Variants in SLC4A7 observed in about 807,000 individuals in gnomAD.
The protein encoded by SLC4A7 is solute carrier family 4 member 7, also known as sodium bicarbonate cotransporter 3.
A neutral mutation model predicts 137.6 loss-of-function variants in SLC4A7; 51 were observed. The observed-to-expected ratio is 0.37, with a 90% CI of 0.30 to 0.47. The LOEUF is 0.47. Ranked by LOEUF, SLC4A7 falls within the 20% of genes least tolerant of loss-of-function variation. The pLI, the probability that SLC4A7 is intolerant of heterozygous loss-of-function variation, is 1.00. For missense variants in SLC4A7, 1,247 were observed against 1,525.4 expected (o/e 0.82, Z 3.04); for synonymous variants, 542 against 518.6 (o/e 1.05, Z -0.61).
chr3:27,391,746 T>C lies in SLC4A7; in HGVS notation c.3180A>G (p.Gly1060=). ...TTAAATACTTAAAACTTGCCTGGAT[T>C]CCTTTTAATGAGGAAACTCCCATAT... ...FLYMGVSSLK[G]IQLFDRIKLF... is the part of the protein sequence containing the mutation. Residue 1060 remains glycine, a synonymous_variant, in exon 21 of 26, where the codon GGA becomes GGG. Transcript: ENST00000454389. 6.4e-7 allele frequency: 1 copy of C among 1,563,910 alleles called. No homozygotes were observed. The highest frequency in any genetic ancestry group is 8.8e-7 in the Non-Finnish European group (1 of 1,141,418).
At position 27,379,301 on chromosome 3, in the gene SLC4A7, T is replaced by C; in HGVS notation, c.3646A>G (p.Lys1216Glu). 1 of 1,535,942 alleles carries C rather than the reference T, an allele frequency of 6.5e-7. No homozygotes were observed. Residue 1216 changes from lysine (K) to glutamate (E), a missense_variant, in exon 25 of 26, where the codon AAG (lysine) becomes GAG (glutamate). Lys to Glu is a moderately conservative substitution (Grantham distance 56). Around this residue, in one of 6 missense-constraint regions of SLC4A7, gnomAD observed 290 missense variants for 323.8 expected, o/e 0.90. Transcript: ENST00000454389. ...TTCTCAGTATTCATGGAAAGTGCCT[T>C]CCACTGTGCAGTTTTGGCCATTTCA... is the stretch of plus-strand genomic sequence containing the variant. ...SDEMAKTAQW[K>E]ALSMNTENAK...
At chr3:27,436,784 C>G (rs1005646218) in intron 4 of SLC4A7, among the ~76,000 whole-genome samples, 1 of 152,102 alleles carries the variant, frequency 6.6e-6, no homozygotes, top group African/African-American at 2.4e-5. Flanking sequence ...CAAAAACAAA[C>G]TATGGAATTT....
At chr3:27,399,419 C>T (rs2052529665) in intron 16 of SLC4A7, among the ~76,000 whole-genome samples, 1 of 152,052 alleles carries the variant, frequency 6.6e-6, no homozygotes, top group Non-Finnish European at 1.5e-5. Flanking sequence ...AATAGTAAAG[C>T]ATGAATCTAT....
In SLC4A7 at chr3:27,448,534, C is replaced by T. The variant is rs570897640; in HGVS notation, c.289+117G>A. 14 of 756,604 alleles carry T rather than the reference C, an allele frequency of 1.9e-5. No homozygotes were observed. The East Asian group carries it at 2.7e-4, about 15-fold the overall frequency. 46.9% of individuals were successfully genotyped at this position (756,604 alleles called of 1,614,324 possible). A position where few individuals can be genotyped will look rare whatever the true frequency, so the allele number is the denominator to read the frequency against. ...TCCCCAATACAATACATTCCCCATA[C>T]AATGTGACTACATTAATGCATACAT... is the stretch of plus-strand genomic sequence containing the variant. On this transcript the variant is annotated intron_variant, in intron 3 of 25. Coordinates refer to ENST00000454389, the MANE Select transcript of SLC4A7 (RefSeq NM_001321103.2).
chr3:27,434,183 T>C (rs988635062), intron 5 of SLC4A7, 79 bp from the exon 6 acceptor site: 2 of 1,014,030 alleles, frequency 2.0e-6, no homozygotes, highest in Admixed American at 3.2e-5. Context: ...TGAAACCTTA[T>C]GACAAAAATT....
At chr3:27,380,901 A>G (rs2050356387) in intron 24 of SLC4A7, among the ~76,000 whole-genome samples, 1 of 152,232 alleles carries the variant, frequency 6.6e-6, no homozygotes. Flanking sequence ...TAAACCTTCT[A>G]GCTTCTAAAT....
chr3:27,464,046 C>T (rs1311187412), intron 1 of SLC4A7, among the ~76,000 whole-genome samples: 2 of 152,056 alleles, frequency 1.3e-5, no homozygotes, highest in Admixed American at 1.3e-4. Flanking sequence ...ATTAACCAGG[C>T]GTGCCTGTTA....
intron 7 of SLC4A7, among the ~76,000 whole-genome samples, chr3:27,429,091 C>A (rs765032168): frequency 1.8e-4 from 28 of 151,976 alleles, no homozygotes; most frequent in Non-Finnish European, 1.2e-4. Flanking sequence ...CATGGTGAAA[C>A]CCCGTTGCTA....
At chr3:27,431,051 A>G (rs1333214589) in intron 7 of SLC4A7, among the ~76,000 whole-genome samples, 1 of 152,178 alleles carries the variant, frequency 6.6e-6, no homozygotes, top group Non-Finnish European at 1.5e-5. Context: ...TGTAAAAGCA[A>G]TTGAGTTCTT....
At chr3:27,377,159 T>C (rs935546773) in intron 25 of SLC4A7, among the ~76,000 whole-genome samples, 14 of 152,096 alleles carry the variant, frequency 9.2e-5, no homozygotes, top group Non-Finnish European at 2.1e-4. Context: ...ATTTCACATA[T>C]GAACAGTTAT....
In SLC4A7 at chr3:27,376,827, A is replaced by G. The variant is rs190875654; in HGVS notation, c.3717T>C (p.Ser1239=). 8.8e-6 allele frequency: 14 copies of G among 1,585,648 alleles called. No individual in the cohort carries two copies. The highest frequency in any genetic ancestry group is 4.3e-6 in the Non-Finnish European group (5 of 1,158,814). ...GTTCATCTTCAAAACTTATTTTCAC[A>G]CTCACAGGTTTATCAGGACTATTTA... is the stretch of plus-strand genomic sequence containing the variant. ...RSNMSPDKPV[S]VKISFEDEPR... is the part of the protein sequence containing the mutation. Residue 1239 remains serine, a synonymous_variant, in exon 26 of 26, where the codon AGT becomes AGC. Transcript: ENST00000454389.
chr3:27,424,262 C>A (rs1576370365), intron 7 of SLC4A7, 110 bp from the exon 8 acceptor site: 1 of 555,814 alleles, frequency 1.8e-6, no homozygotes, highest in Non-Finnish European at 3.1e-6. Flanking sequence ...AGCAAATGTG[C>A]AAGGTTAAAA....
intron 1 of SLC4A7, among the ~76,000 whole-genome samples, chr3:27,452,818 G>A (rs1010321781): frequency 6.6e-6 from 1 of 152,164 alleles, no homozygotes; most frequent in Admixed American, 6.5e-5. Context: ...TAAAGAAAAT[G>A]TGATGTGAGA....
intron 7 of SLC4A7, among the ~76,000 whole-genome samples, chr3:27,427,639 T>C (rs1258269384): frequency 6.6e-6 from 1 of 152,002 alleles, no homozygotes; most frequent in Non-Finnish European, 1.5e-5. Flanking sequence ...TTTCTTCCAC[T>C]AAGACAGTAC....
At chr3:27,431,751 A>C (rs2056321527) in intron 6 of SLC4A7, 82 bp from the exon 7 acceptor site, 10 of 1,413,908 alleles carry the variant, frequency 7.1e-6, no homozygotes, top group Non-Finnish European at 9.4e-6. Flanking sequence ...ATCAATTTAC[A>C]CTATAAATTG....
intron 16 of SLC4A7, among the ~76,000 whole-genome samples, chr3:27,399,827 T>C (rs566590105): frequency 5.9e-5 from 9 of 152,188 alleles, no homozygotes; most frequent in Non-Finnish European, 1.0e-4. Flanking sequence ...GAGCCAGCAG[T>C]CACATGAATT....
chr3:27,441,420 G>A (rs2057183579), intron 3 of SLC4A7, among the ~76,000 whole-genome samples: 1 of 152,140 alleles, frequency 6.6e-6, no homozygotes, highest in African/African-American at 2.4e-5. Flanking sequence ...CATCCCTGAT[G>A]CCATCTGAGA....
chr3:27,453,240 CA>C (rs1197986929), intron 1 of SLC4A7, among the ~76,000 whole-genome samples: 1 of 152,172 alleles, frequency 6.6e-6, no homozygotes, highest in Non-Finnish European at 1.5e-5. Context: ...ACATTCTAAT[CA>C]TCATTAACTA....
chr3:27,420,828 T>A (rs374847863), intron 9 of SLC4A7, 41 bp from the exon 10 acceptor site: 2 of 1,312,986 alleles, frequency 1.5e-6, no homozygotes. Flanking sequence ...ATAAACATCA[T>A]ACACCCACAA....
Sources: allele counts gnomAD v4.1 joint callset (sites outside exome capture counted in the v4.1 genomes callset), GRCh38; gene constraint gnomAD v4.1.1; regional missense constraint gnomAD v4.1.1; transcripts MANE v1.5; gene names NCBI Gene and HGNC (gene_info 2026-07-23, HGNC 2026-07-21).